Variants in NMD3 observed in about 807,000 individuals in gnomAD.
The protein encoded by NMD3 is 60S ribosomal export protein NMD3.
Under a neutral mutation model 73.1 loss-of-function variants are expected in NMD3, and 47 were observed. The ratio of observed to expected loss-of-function variants is 0.64; its 90% CI spans 0.51 to 0.82. NMD3 has a LOEUF of 0.82. NMD3 is among the 40% of genes least tolerant of loss of function. The probability of loss-of-function intolerance (pLI) is 0.00; values close to 1 mark genes in which losing one functional copy is unlikely to be tolerated. For missense variants in NMD3, 554 were observed against 612.5 expected (o/e 0.90, Z 1.01); for synonymous variants, 210 against 194.5 (o/e 1.08, Z -0.66).
intron 9 of NMD3, among the ~76,000 whole-genome samples, chr3:161,240,455 T>C (rs1360294309): frequency 6.6e-6 from 1 of 151,634 alleles, no homozygotes; most frequent in African/African-American, 2.4e-5. Context: ...TGTATTAACA[T>C]ATAGAGTGAT....
intron 2 of NMD3, 84 bp from the exon 3 acceptor site, chr3:161,224,846 G>T: frequency 7.4e-7 from 1 of 1,343,664 alleles, no homozygotes; most frequent in Non-Finnish European, 1.0e-6. Flanking sequence ...CTAACTTGAA[G>T]GCTTTTGTTT....
intron 14 of NMD3, among the ~76,000 whole-genome samples, chr3:161,249,937 T>A (rs373172923): frequency 1.3e-5 from 2 of 152,298 alleles, no homozygotes; most frequent in South Asian, 2.1e-4. Context: ...ACATTATGAA[T>A]ATCACAAATA....
intron 13 of NMD3, 37 bp downstream of exon 13, chr3:161,247,367 AAGAG>A (rs767363552): frequency 1.5e-6 from 2 of 1,317,100 alleles, no homozygotes; most frequent in Non-Finnish European, 2.2e-6. Context: ...TCCTGTGTTA[AAGAG>A]GATGAATGTA....
At position 161,227,357 on chromosome 3, in the gene NMD3, C is replaced by A; in HGVS notation, c.276+14C>A. The stretch of plus-strand genomic sequence containing the variant: ...CCTCTGAGTAAGGTAAGTTAAACAG[C>A]TAAAATCAGTATTCATAGGTATGTT... On this transcript the variant is annotated intron_variant, in intron 4 of 15. Coordinates refer to ENST00000351193, the MANE Select transcript of NMD3 (RefSeq NM_015938.5). The A allele has an allele frequency of 7.1e-7, 1 of 1,405,116 alleles. No homozygotes were observed. Among genetic ancestry groups the A allele is most frequent in the Non-Finnish European group, 9.9e-7 (1 of 1,013,984 alleles). 87.0% of individuals were successfully genotyped at this position (1,405,116 alleles called of 1,614,324 possible).
intron 3 of NMD3, 130 bp from the exon 4 acceptor site, chr3:161,227,117 T>C (rs752940253): frequency 1.8e-5 from 10 of 561,658 alleles, no homozygotes; most frequent in African/African-American, 1.4e-4. Flanking sequence ...ATGTTTGAGT[T>C]AAGTGCTTCA....
chr3:161,229,691 G>A (rs941374699), intron 4 of NMD3, among the ~76,000 whole-genome samples: 22 of 152,194 alleles, frequency 1.4e-4, no homozygotes, highest in African/African-American at 4.3e-4. Flanking sequence ...AAAGAAACTG[G>A]AGGACTGAAT....
chr3:161,228,974 G>A (rs1736434173), intron 4 of NMD3, among the ~76,000 whole-genome samples: 1 of 152,170 alleles, frequency 6.6e-6, no homozygotes, highest in South Asian at 2.1e-4. Context: ...TGACATTTGA[G>A]TAAACACTAA....
chr3:161,237,459 A>G (rs1736799330), intron 7 of NMD3, among the ~76,000 whole-genome samples: 1 of 146,024 alleles, frequency 6.8e-6, no homozygotes, highest in Admixed American at 6.8e-5. Context: ...TTTTTCTAGT[A>G]CTTTTTGTTT....
chr3:161,241,811 G>GC (rs1157761316), intron 10 of NMD3, among the ~76,000 whole-genome samples: 1 of 152,026 alleles, frequency 6.6e-6, no homozygotes, highest in African/African-American at 2.4e-5. Flanking sequence ...TTAAATTTTG[G>GC]AACATTTGGC....
Position 161,249,520 on chromosome 3 carries a change from C to T in NMD3, c.1270C>T (p.Leu424Phe), listed in dbSNP as rs769034626. The T allele has an allele frequency of 1.9e-6, 3 of 1,612,514 alleles. No homozygotes were observed. The highest frequency in any genetic ancestry group is 1.1e-5 in the South Asian group (1 of 91,010). The change falls in exon 14 of 16, where the codon CTT becomes TTT. Residue 424 changes from leucine (L) to phenylalanine (F), a missense_variant. Leu to Phe is a conservative substitution (Grantham distance 22). Transcript: ENST00000351193. Reference sequence around the variant, plus strand: ...TCGTAGAAACTGGAAATTGAAAGAGCTTGCAAGAGAGAGAGAAAACATGGA... The same window carrying T: ...TCGTAGAAACTGGAAATTGAAAGAGTTTGCAAGAGAGAGAGAAAACATGGA... ...QRRRNWKLKE[L>F]ARERENMDTD... is the part of the protein sequence containing the mutation.
chr3:161,243,909 TATA>T (rs1367612999), intron 11 of NMD3, among the ~76,000 whole-genome samples: 1 of 152,202 alleles, frequency 6.6e-6, no homozygotes, highest in Non-Finnish European at 1.5e-5. Flanking sequence ...GGCTTAATAC[TATA>T]ATAATATGCA....
At chr3:161,233,506 T>C in intron 5 of NMD3, 27 bp downstream of exon 5, 2 of 1,393,830 alleles carry the variant, frequency 1.4e-6, no homozygotes, top group Non-Finnish European at 2.0e-6. Flanking sequence ...TTTCTCAGCA[T>C]GGTTAAAGTG....
At position 161,242,480 on chromosome 3, in the gene NMD3, T is replaced by C. The variant is rs112197453; in HGVS notation, c.872-28T>C. On this transcript the variant is annotated intron_variant, in intron 10 of 15. Transcript: ENST00000351193. ...TAATTGAAATATATAATTTTTCTTA[T>C]GTTTTTGTGTTCTATCCTTATTTTT... The C allele has an allele frequency of 2.3e-4, 359 of 1,593,448 alleles. 3 individuals carry two copies. In the South Asian group the frequency reaches 2.4e-3, roughly 11 times the overall value.
In NMD3 at chr3:161,250,290, G is replaced by A; in HGVS notation, c.1345G>A (p.Asp449Asn). Reference protein sequence around the residue: ...YQDFLEDLEEDEAIRKNVNIY... With the variant: ...YQDFLEDLEENEAIRKNVNIY... The stretch of plus-strand genomic sequence containing the variant: ...AGATTTTCTTGAAGATCTTGAAGAA[G>A]ATGAGGCAATTCGAAAAAATGTCAA... Residue 449 changes from aspartate to asparagine, a missense_variant, in exon 15 of 16, where the codon GAT becomes AAT. By Grantham distance (23) the Asp-to-Asn change is conservative. Coordinates refer to ENST00000351193, the MANE Select transcript of NMD3 (RefSeq NM_015938.5). 4 of 1,604,232 alleles carry A rather than the reference G, an allele frequency of 2.5e-6. No individual in the cohort carries two copies. Among genetic ancestry groups the A allele is most frequent in the Non-Finnish European group, 2.6e-6 (3 of 1,171,706 alleles).
At chr3:161,249,269 C>T (rs1218055505) in intron 13 of NMD3, among the ~76,000 whole-genome samples, 185 bp from the exon 14 acceptor site, 1 of 152,178 alleles carries the variant, frequency 6.6e-6, no homozygotes, top group South Asian at 2.1e-4. Flanking sequence ...AATCCATTCT[C>T]ATAAAAAGTT....
chr3:161,233,428 G>T lies in NMD3; in HGVS notation c.306G>T (p.Trp102Cys). The T allele has an allele frequency of 1.2e-6, 2 of 1,609,848 alleles. No individual in the cohort carries two copies. The highest frequency in any genetic ancestry group is 1.7e-6 in the Non-Finnish European group (2 of 1,177,708). ...KVRLVDAGFV[W>C]TEPHSKRLKV... ...GGCTTGTAGATGCAGGCTTTGTTTG[G>T]ACTGAGCCTCATTCTAAGAGACTTA... Residue 102 changes from tryptophan (W) to cysteine (C), a missense_variant, in exon 5 of 16, where the codon TGG (tryptophan) becomes TGT (cysteine). Coordinates refer to ENST00000351193, the MANE Select transcript of NMD3 (RefSeq NM_015938.5).
At chr3:161,221,838 A>T (rs2108070059) in intron 1 of NMD3, 156 bp from the exon 2 acceptor site, 2 of 513,334 alleles carry the variant, frequency 3.9e-6, no homozygotes, top group East Asian at 3.1e-5. Flanking sequence ...TACCCAGTGG[A>T]GTTGGGTTTC....
At chr3:161,235,268 C>A in intron 7 of NMD3, 56 bp downstream of exon 7, 1 of 797,930 alleles carries the variant, frequency 1.3e-6, no homozygotes, top group Non-Finnish European at 2.1e-6. Context: ...TTCAACATAC[C>A]TAAGTAATCT....
At chr3:161,236,852 T>G (rs1736775273) in intron 7 of NMD3, among the ~76,000 whole-genome samples, 1 of 152,176 alleles carries the variant, frequency 6.6e-6, no homozygotes, top group African/African-American at 2.4e-5. Flanking sequence ...GTCAAAGATC[T>G]ATTGACTGTA....
Sources: allele counts gnomAD v4.1 joint callset (sites outside exome capture counted in the v4.1 genomes callset), GRCh38; gene constraint gnomAD v4.1.1; transcripts MANE v1.5; gene names NCBI Gene and HGNC (gene_info 2026-07-23, HGNC 2026-07-21).